Variants in CCDC178 observed in about 807,000 individuals in gnomAD.
CCDC178 encodes coiled-coil domain containing 178, also known as coiled-coil domain-containing protein 178.
A neutral mutation model predicts 117.4 loss-of-function variants in CCDC178; 126 were observed. The ratio of observed to expected loss-of-function variants is 1.07; its 90% CI spans 0.93 to 1.24. The LOEUF (loss-of-function observed/expected upper bound fraction) is 1.24, where lower values mean the gene tolerates loss of function less well. CCDC178 is among the 50% of genes most tolerant of loss of function. CCDC178 has a pLI of 0.00. For synonymous variants in CCDC178, 283 were observed against 313.4 expected (o/e 0.90, Z 1.02); for missense variants, 1,030 against 986.9 (o/e 1.04, Z -0.59).
At chr18:33,028,573 GTTT>G (rs1207572137) in intron 21 of CCDC178, among the ~76,000 whole-genome samples, 4 of 151,354 alleles carry the variant, frequency 2.6e-5, no homozygotes, top group African/African-American at 7.3e-5. Context: ...TTGTGGTTTG[GTTT>G]TTATTTTTTT....
At chr18:33,077,686 T>A (rs2057233552) in intron 21 of CCDC178, among the ~76,000 whole-genome samples, 1 of 152,124 alleles carries the variant, frequency 6.6e-6, no homozygotes, top group Non-Finnish European at 1.5e-5. Flanking sequence ...CTAGGAGAGA[T>A]GGATAAATTC....
At chr18:32,962,330 T>C (rs973037849) in intron 22 of CCDC178, among the ~76,000 whole-genome samples, 3 of 152,120 alleles carry the variant, frequency 2.0e-5, no homozygotes, top group Admixed American at 6.6e-5. Flanking sequence ...CATTTGCCAG[T>C]ATATTTCTCA....
At chr18:33,019,731 C>T in intron 21 of CCDC178, among the ~76,000 whole-genome samples, 1 of 151,928 alleles carries the variant, frequency 6.6e-6, no homozygotes, top group East Asian at 1.9e-4. Context: ...TTAATATCAC[C>T]AGTGATAAAA....
intron 12 of CCDC178, among the ~76,000 whole-genome samples, chr18:33,275,613 G>A (rs1045754784): frequency 2.3e-5 from 3 of 130,576 alleles, no homozygotes; most frequent in African/African-American, 5.6e-5. Flanking sequence ...GGGAGGGAGG[G>A]AGGGATTTCT....
intron 21 of CCDC178, among the ~76,000 whole-genome samples, chr18:32,976,219 A>G (rs545324928): frequency 3.2e-4 from 48 of 152,130 alleles, no homozygotes; most frequent in African/African-American, 1.1e-3. Context: ...TGTCAAACTT[A>G]AAAAAAATTG....
At chr18:33,404,698 G>A (rs1258322916) in intron 3 of CCDC178, among the ~76,000 whole-genome samples, 2 of 151,916 alleles carry the variant, frequency 1.3e-5, no homozygotes, top group Non-Finnish European at 2.9e-5. Flanking sequence ...TCCTAAAACA[G>A]AAACAACTAA....
intron 12 of CCDC178, among the ~76,000 whole-genome samples, chr18:33,285,686 C>A (rs1025501838): frequency 6.6e-6 from 1 of 152,064 alleles, no homozygotes; most frequent in African/African-American, 2.4e-5. Flanking sequence ...TAATACATCA[C>A]CTCAATAGGT....
At chr18:33,166,258 T>A (rs1368206746) in intron 20 of CCDC178, among the ~76,000 whole-genome samples, 1 of 152,174 alleles carries the variant, frequency 6.6e-6, no homozygotes, top group African/African-American at 2.4e-5. Flanking sequence ...AAACACTTGG[T>A]AACAAGTTAA....
At chr18:33,073,532 T>TATC (rs1354898396) in intron 21 of CCDC178, among the ~76,000 whole-genome samples, 2 of 149,388 alleles carry the variant, frequency 1.3e-5, no homozygotes, top group Non-Finnish European at 3.0e-5. Flanking sequence ...TCTATCTATC[T>TATC]ATCTATCTAT....
At chr18:33,332,540 A>T (rs1480008209) in intron 10 of CCDC178, among the ~76,000 whole-genome samples, 1 of 152,070 alleles carries the variant, frequency 6.6e-6, no homozygotes, top group East Asian at 1.9e-4. Flanking sequence ...TGGCTTAAAA[A>T]AAAACCCCAC....
intron 21 of CCDC178, among the ~76,000 whole-genome samples, chr18:33,084,023 C>G (rs1280918923): frequency 1.3e-5 from 2 of 152,172 alleles, no homozygotes; most frequent in African/African-American, 4.8e-5. Flanking sequence ...AAAGACTATG[C>G]TGCATTTCTT....
chr18:33,005,800 C>G (rs982404101), intron 21 of CCDC178, among the ~76,000 whole-genome samples: 1 of 151,962 alleles, frequency 6.6e-6, no homozygotes, highest in Admixed American at 6.6e-5. Flanking sequence ...ACAGTTCTAA[C>G]TCTGTGTACA....
chr18:33,302,575 C>T (rs1188870389), intron 11 of CCDC178, among the ~76,000 whole-genome samples: 1 of 152,124 alleles, frequency 6.6e-6, no homozygotes. Context: ...CCATGTTCAT[C>T]ACTACACTAT....
chr18:33,146,491 CA>C (rs1308705852), intron 20 of CCDC178, among the ~76,000 whole-genome samples: 9 of 151,920 alleles, frequency 5.9e-5, no homozygotes, highest in Non-Finnish European at 5.9e-5. Context: ...CTTGTTTCTG[CA>C]AAAAACTTTT....
intron 20 of CCDC178, among the ~76,000 whole-genome samples, chr18:33,155,927 A>C (rs2058388659): frequency 6.6e-6 from 1 of 152,002 alleles, no homozygotes; most frequent in Non-Finnish European, 1.5e-5. Flanking sequence ...AATGAATGTT[A>C]TCAGGGGCTA....
At chr18:33,379,950 G>C (rs1415032725) in intron 5 of CCDC178, among the ~76,000 whole-genome samples, 1 of 152,158 alleles carries the variant, frequency 6.6e-6, no homozygotes, top group Non-Finnish European at 1.5e-5. Flanking sequence ...CTGGAGAACT[G>C]GCTGGGTGTG....
chr18:32,967,617 A>C (rs1280041856), intron 22 of CCDC178, among the ~76,000 whole-genome samples: 1 of 151,618 alleles, frequency 6.6e-6, no homozygotes, highest in Non-Finnish European at 1.5e-5. Context: ...TGTGCAATAA[A>C]ACCATTTACA....
chr18:33,408,168 A>T (rs998503008), intron 3 of CCDC178, among the ~76,000 whole-genome samples: 1 of 152,018 alleles, frequency 6.6e-6, no homozygotes, highest in African/African-American at 2.4e-5. Flanking sequence ...ATGTTAGTAG[A>T]TGTAGAAAAA....
chr18:33,070,028 T>C (rs1288387364), intron 21 of CCDC178, among the ~76,000 whole-genome samples: 1 of 151,958 alleles, frequency 6.6e-6, no homozygotes, highest in African/African-American at 2.4e-5. Context: ...AAACAACAAA[T>C]GCTGGAAATA....
Sources: allele counts gnomAD v4.1 joint callset (sites outside exome capture counted in the v4.1 genomes callset), GRCh38; gene constraint gnomAD v4.1.1; transcripts MANE v1.5; gene names NCBI Gene and HGNC (gene_info 2026-07-23, HGNC 2026-07-21).